The following CTNNA2 variants were observed in gnomAD, a reference collection of about 807,000 sequenced individuals.
CTNNA2 encodes the protein catenin alpha-2.
In CTNNA2, 42 loss-of-function variants were observed where a neutral mutation model predicts 101.0. The observed-to-expected ratio is 0.42, with a 90% CI of 0.32 to 0.54. The LOEUF (loss-of-function observed/expected upper bound fraction) is 0.54. CTNNA2 is among the 20% of genes least tolerant of loss of function. CTNNA2 has a pLI of 0.14. For missense variants in CTNNA2, 871 were observed against 1,223.1 expected (o/e 0.71, Z 4.29); for synonymous variants, 450 against 456.4 (o/e 0.99, Z 0.18).
intron 7 of CTNNA2, among the ~76,000 whole-genome samples, chr2:80,319,449 C>T (rs1016263275): frequency 1.3e-5 from 2 of 152,262 alleles, no homozygotes; most frequent in Admixed American, 6.5e-5. Flanking sequence ...CAGTATATTT[C>T]TTCTGTAGTT....
chr2:79,635,119 G>A (rs78014526), intron 1 of CTNNA2, among the ~76,000 whole-genome samples: 3,086 of 152,232 alleles, frequency 0.02, 110 homozygotes, highest in African/African-American at 0.071. Context: ...CCTTGATTAA[G>A]GCAGCGGTGG....
intron 4 of CTNNA2, among the ~76,000 whole-genome samples, chr2:79,412,713 G>A (rs147569088): frequency 3.5e-4 from 53 of 152,138 alleles, no homozygotes; most frequent in African/African-American, 1.3e-3. Flanking sequence ...CAAAGACACA[G>A]CATACCAGAA....
intron 7 of CTNNA2, among the ~76,000 whole-genome samples, chr2:79,916,302 A>G (rs540080554): frequency 6.6e-6 from 1 of 152,144 alleles, no homozygotes; most frequent in East Asian, 1.9e-4. Context: ...TGGTAGCTTC[A>G]TTCAAGGGGA....
chr2:80,642,057 A>G (rs190130309), intron 18 of CTNNA2, among the ~76,000 whole-genome samples: 2 of 152,264 alleles, frequency 1.3e-5, no homozygotes, highest in Admixed American at 1.3e-4. Context: ...TGTAACATAC[A>G]CACCTCAAAC....
intron 2 of CTNNA2, among the ~76,000 whole-genome samples, chr2:79,669,397 T>C (rs1376143640): frequency 6.6e-6 from 1 of 152,166 alleles, no homozygotes; most frequent in Non-Finnish European, 1.5e-5. Context: ...CTCTGGGGTG[T>C]CGATTTTTCT....
At chr2:80,351,011 CAAGT>C (rs1673237047) in intron 7 of CTNNA2, among the ~76,000 whole-genome samples, 1 of 152,110 alleles carries the variant, frequency 6.6e-6, no homozygotes, top group Non-Finnish European at 1.5e-5. Flanking sequence ...CTGAAGAAAG[CAAGT>C]GAGTTTGATC....
intron 7 of CTNNA2, among the ~76,000 whole-genome samples, chr2:80,077,438 C>T (rs1459889876): frequency 1.3e-5 from 2 of 151,946 alleles, no homozygotes; most frequent in African/African-American, 4.8e-5. Flanking sequence ...TATTAGTCAA[C>T]AATTTTTAGA....
intron 7 of CTNNA2, among the ~76,000 whole-genome samples, chr2:79,956,843 G>GTTTTTTGTTTT (rs1553413397): frequency 2.0e-5 from 2 of 98,936 alleles, no homozygotes; most frequent in African/African-American, 9.4e-5. Context: ...ATACGTGTGG[G>GTTTTTTGTTTT]TTTTTTTTTT....
In CTNNA2 at chr2:79,356,355, C is replaced by A. The variant is rs1023708947; in HGVS notation, c.-317-17476C>A. On this transcript the variant is annotated intron_variant, in intron 3 of 21. Transcript: ENST00000466387. The stretch of plus-strand genomic sequence containing the variant: ...CTTTATAAATTCTTATTACTATAAC[C>A]TTTTCAGATATATGAATTGCAAATA... Among the ~76,000 whole-genome samples the A allele has an allele frequency of 7.2e-5, 11 of 152,018 alleles. No individual in the cohort carries two copies. In the East Asian group the frequency reaches 1.3e-3, roughly 19 times the overall value.
chr2:79,382,175 T>C (rs1291526715), intron 4 of CTNNA2, among the ~76,000 whole-genome samples: 1 of 151,900 alleles, frequency 6.6e-6, no homozygotes, highest in Non-Finnish European at 1.5e-5. Context: ...TCTCCTGTCC[T>C]TGGGCATCAG....
At chr2:80,325,411 T>G (rs2149253380) in intron 7 of CTNNA2, among the ~76,000 whole-genome samples, 1 of 152,354 alleles carries the variant, frequency 6.6e-6, no homozygotes, top group South Asian at 2.1e-4. Context: ...TCCTTTAACC[T>G]TAGTCTCCAC....
At chr2:79,923,441 T>C (rs533428229) in intron 7 of CTNNA2, among the ~76,000 whole-genome samples, 2 of 152,266 alleles carry the variant, frequency 1.3e-5, no homozygotes, top group African/African-American at 4.8e-5. Context: ...GGTCTGCTTT[T>C]AATAATTAAT....
At chr2:79,820,110 A>G (rs1001957558) in intron 3 of CTNNA2, among the ~76,000 whole-genome samples, 7 of 152,156 alleles carry the variant, frequency 4.6e-5, no homozygotes, top group African/African-American at 1.7e-4. Context: ...AAAATAAGCC[A>G]TATGATGCCA....
At chr2:80,475,150 G>A (rs962528156) in intron 9 of CTNNA2, among the ~76,000 whole-genome samples, 7 of 152,196 alleles carry the variant, frequency 4.6e-5, no homozygotes, top group East Asian at 3.9e-4. Context: ...ATAACTTAAC[G>A]ATCTCATTCA....
intron 11 of CTNNA2, among the ~76,000 whole-genome samples, chr2:80,554,892 A>G (rs928692777): frequency 5.9e-5 from 9 of 152,196 alleles, no homozygotes; most frequent in Admixed American, 5.9e-4. Context: ...TGAAAAATAC[A>G]AAATTACACA....
chr2:80,616,138 G>A (rs1452423209), intron 17 of CTNNA2, among the ~76,000 whole-genome samples: 1 of 151,650 alleles, frequency 6.6e-6, no homozygotes, highest in Non-Finnish European at 1.5e-5. Flanking sequence ...GGAACAACCT[G>A]TCTCTTGACC....
chr2:79,197,607 T>A (rs1673978377), intron 1 of CTNNA2, among the ~76,000 whole-genome samples: 1 of 152,246 alleles, frequency 6.6e-6, no homozygotes, highest in African/African-American at 2.4e-5. Context: ...ATGATAACTA[T>A]AACTCTAAAG....
In CTNNA2 at chr2:80,162,621, G is replaced by C. The variant is rs1573264688; in HGVS notation, c.1057-230590G>C. 4.3e-6 allele frequency: 7 copies of C among 1,611,294 alleles called. 1 individual carries two copies. In the South Asian group the frequency reaches 7.7e-5, roughly 18 times the overall value. On this transcript the variant is annotated intron_variant, in intron 7 of 18. Transcript: ENST00000402739. Reference sequence around the variant, plus strand: ...CTGTTCCCGGCTATAATGTCTATCTGCTAGGTAGGGATGAGAATTCATTCT... The same window carrying C: ...CTGTTCCCGGCTATAATGTCTATCTCCTAGGTAGGGATGAGAATTCATTCT...
chr2:80,265,836 A>G (rs909428649), intron 7 of CTNNA2, among the ~76,000 whole-genome samples: 8 of 152,172 alleles, frequency 5.3e-5, no homozygotes, highest in Non-Finnish European at 1.0e-4. Context: ...TGACCCATTC[A>G]TTACCTGGGA....
Sources: allele counts gnomAD v4.1 joint callset (sites outside exome capture counted in the v4.1 genomes callset), GRCh38; gene constraint gnomAD v4.1.1; transcripts MANE v1.5; gene names NCBI Gene and HGNC (gene_info 2026-07-23, HGNC 2026-07-21).